The following THRB variants were observed in gnomAD, a reference collection of about 807,000 sequenced individuals.
THRB encodes the protein thyroid hormone receptor beta, also known as nuclear receptor subfamily 1 group A member 2.
THRB carries 12 observed loss-of-function variants against 47.8 expected under a neutral mutation model. The observed-to-expected ratio is 0.25, with a 90% CI of 0.16 to 0.41. THRB has a LOEUF of 0.41. Ranked by LOEUF, THRB falls within the 10% of genes least tolerant of loss-of-function variation. THRB has a pLI of 1.00. For synonymous variants in THRB, 218 were observed against 212.2 expected (o/e 1.03, Z -0.24); for missense variants, 348 against 589.2 (o/e 0.59, Z 4.24).
chr3:24,234,315 C>T (rs942169749), intron 3 of THRB, among the ~76,000 whole-genome samples: 6 of 152,118 alleles, frequency 3.9e-5, no homozygotes, highest in Non-Finnish European at 8.8e-5. Flanking sequence ...TAAGCTTTGG[C>T]TATGGACTTT....
chr3:24,187,774 A>G (rs1223581539), intron 5 of THRB, among the ~76,000 whole-genome samples: 1 of 152,140 alleles, frequency 6.6e-6, no homozygotes, highest in Non-Finnish European at 1.5e-5. Context: ...TGGAGAACCA[A>G]CTCTATAAGG....
At chr3:24,367,004 C>T (rs976486034) in intron 1 of THRB, among the ~76,000 whole-genome samples, 10 of 152,148 alleles carry the variant, frequency 6.6e-5, no homozygotes, top group African/African-American at 2.4e-4. Context: ...GTACCACAGC[C>T]TCTCACTTTC....
intron 4 of THRB, among the ~76,000 whole-genome samples, chr3:24,225,441 G>A (rs1006630829): frequency 6.6e-6 from 1 of 152,156 alleles, no homozygotes. Context: ...CACATTAAAG[G>A]CATCATAATA....
At chr3:24,303,520 G>A (rs2057110666) in intron 2 of THRB, among the ~76,000 whole-genome samples, 1 of 152,178 alleles carries the variant, frequency 6.6e-6, no homozygotes, top group East Asian at 1.9e-4. Context: ...TCATCGCAGA[G>A]CTGCTGAGAT....
intron 4 of THRB, among the ~76,000 whole-genome samples, chr3:24,199,142 C>T (rs1468997145): frequency 2.6e-5 from 4 of 152,156 alleles, no homozygotes; most frequent in Non-Finnish European, 5.9e-5. Context: ...TTATCTAACT[C>T]AGATAATGTG....
At chr3:24,389,401 T>G (rs2066383086) in intron 1 of THRB, among the ~76,000 whole-genome samples, 1 of 152,154 alleles carries the variant, frequency 6.6e-6, no homozygotes, top group East Asian at 1.9e-4. Context: ...GAGTAAAAAT[T>G]ATAAACTATT....
At chr3:24,381,017 AG>A (rs1485785797) in intron 1 of THRB, among the ~76,000 whole-genome samples, 1 of 151,424 alleles carries the variant, frequency 6.6e-6, no homozygotes, top group Non-Finnish European at 1.5e-5. Flanking sequence ...GTGGAGGCTG[AG>A]GCAGGAGAAT....
intron 3 of THRB, among the ~76,000 whole-genome samples, chr3:24,269,295 ACACACACACACACACACACACACACACGT>A (rs2053000999): frequency 1.1e-5 from 1 of 95,070 alleles, no homozygotes; most frequent in Non-Finnish European, 2.3e-5. Flanking sequence ...ACACACACAC[ACACACACACACACACACACACACACACGT>A]TATCTTTGCT....
chr3:24,420,776 G>A (rs544525085), intron 1 of THRB, among the ~76,000 whole-genome samples: 27 of 151,890 alleles, frequency 1.8e-4, no homozygotes, highest in African/African-American at 6.0e-4. Flanking sequence ...CAACCATTGT[G>A]GAAGAAATTG....
At chr3:24,223,893 T>G (rs68056592) in intron 4 of THRB, among the ~76,000 whole-genome samples, 11,689 of 144,260 alleles carry the variant, frequency 0.081, 589 homozygotes, top group Non-Finnish European at 0.11. Context: ...AATGTGTGTG[T>G]GGGGGGGGTA....
intron 1 of THRB, among the ~76,000 whole-genome samples, chr3:24,352,757 C>T (rs1027988419): frequency 6.6e-6 from 1 of 152,114 alleles, no homozygotes; most frequent in African/African-American, 2.4e-5. Flanking sequence ...ACATATACTA[C>T]ATATCCATAG....
intron 3 of THRB, among the ~76,000 whole-genome samples, chr3:24,271,850 C>T (rs964761356): frequency 2.6e-5 from 4 of 151,702 alleles, no homozygotes; most frequent in Admixed American, 6.6e-5. Context: ...AACTTTGTTT[C>T]CCAATAGTAA....
chr3:24,194,851 A>G (rs2043778186), intron 4 of THRB, among the ~76,000 whole-genome samples: 1 of 152,234 alleles, frequency 6.6e-6, no homozygotes, highest in Non-Finnish European at 1.5e-5. Flanking sequence ...GAGCTAAAGC[A>G]AAGGAAATAG....
At chr3:24,291,635 G>C (rs1002711612) in intron 3 of THRB, among the ~76,000 whole-genome samples, 1 of 152,122 alleles carries the variant, frequency 6.6e-6, no homozygotes, top group Non-Finnish European at 1.5e-5. Flanking sequence ...AAGAAAAAAG[G>C]TTTATACATG....
At chr3:24,314,755 G>A (rs114038445) in intron 2 of THRB, among the ~76,000 whole-genome samples, 1 of 152,070 alleles carries the variant, frequency 6.6e-6, no homozygotes, top group East Asian at 1.9e-4. Flanking sequence ...AGCCTCTACA[G>A]AGCCATTCTT....
At chr3:24,442,132 G>A (rs9831133) in intron 1 of THRB, among the ~76,000 whole-genome samples, 50,802 of 152,010 alleles carry the variant, frequency 0.33, 9,156 homozygotes, top group African/African-American at 0.44. Context: ...AGTAAAAAGT[G>A]CTTCAGTGTT....
chr3:24,419,473 G>A (rs9841040), intron 1 of THRB, among the ~76,000 whole-genome samples: 78,577 of 151,686 alleles, frequency 0.52, 20,495 homozygotes, highest in Admixed American at 0.56. Flanking sequence ...TCTATTTAGG[G>A]TTCATTTATG....
intron 1 of THRB, among the ~76,000 whole-genome samples, chr3:24,340,424 T>C (rs1243998626): frequency 6.6e-6 from 1 of 150,842 alleles, no homozygotes; most frequent in Non-Finnish European, 1.5e-5. Context: ...CTCTCTCTCA[T>C]CTCTGGTTTT....
At chr3:24,374,104 C>T (rs1016710852) in intron 1 of THRB, among the ~76,000 whole-genome samples, 4 of 151,934 alleles carry the variant, frequency 2.6e-5, no homozygotes, top group African/African-American at 9.7e-5. Context: ...TTTCTTTCAT[C>T]AAAACAAAGA....
Sources: gnomAD v4.1 joint callset for allele counts (sites outside exome capture counted in the v4.1 genomes callset) on GRCh38, gnomAD v4.1.1 for gene constraint, MANE v1.5 for transcripts, NCBI Gene and HGNC (gene_info 2026-07-23, HGNC 2026-07-21) for gene names.